NOL10: variants seen among roughly 807,000 people sequenced by gnomAD.
NOL10 encodes the protein H_NH0074G24.1.
Under a neutral mutation model 103.5 loss-of-function variants are expected in NOL10, and 58 were observed. That is an observed-to-expected ratio of 0.56 (90% CI 0.45 to 0.70). NOL10 has a LOEUF of 0.70. NOL10 is among the 30% of genes least tolerant of loss of function. NOL10 has a pLI of 0.00. For synonymous variants in NOL10, 287 were observed against 282.5 expected, an observed-to-expected ratio of 1.02 and a Z score of -0.16; for missense variants, 763 against 807.3, an observed-to-expected ratio of 0.95 and a Z score of 0.67.
chr2:10,663,310 T>A (rs2148327489), intron 8 of NOL10, among the ~76,000 whole-genome samples: 2 of 147,928 alleles, frequency 1.4e-5, no homozygotes, highest in East Asian at 4.0e-4. Flanking sequence ...GAGGTTGCAG[T>A]GAGCCGAGAT....
chr2:10,656,956 TA>T, intron 11 of NOL10, among the ~76,000 whole-genome samples: 1 of 152,134 alleles, frequency 6.6e-6, no homozygotes, highest in Non-Finnish European at 1.5e-5. Flanking sequence ...ACCAGCAATA[TA>T]GGATTTTGTT....
intron 13 of NOL10, among the ~76,000 whole-genome samples, chr2:10,641,014 T>C (rs1270418753): frequency 6.6e-6 from 1 of 150,652 alleles, no homozygotes; most frequent in Admixed American, 6.6e-5. Context: ...TGAAACCCCA[T>C]CTCTACTAAA....
chr2:10,587,346 C>T (rs1215817650), intron 19 of NOL10, among the ~76,000 whole-genome samples: 3 of 143,416 alleles, frequency 2.1e-5, no homozygotes, highest in South Asian at 2.2e-4. Context: ...TCTCAGCTCA[C>T]TGCAACCTCT....
rs70953314 is a variant in NOL10, at chr2:10,587,275, ATTT to A, written c.1844+1765_1844+1767del. Among the ~76,000 whole-genome samples, 3 of 22,582 alleles carry A rather than the reference ATTT, an allele frequency of 1.3e-4. 1 individual carries two copies. Among genetic ancestry groups the A allele is most frequent in the Non-Finnish European group, 7.9e-5 (1 of 12,658 alleles). The allele number at this position is 22,582 out of a possible 152,430, so 14.8% of individuals were successfully genotyped here. On this transcript the variant is annotated intron_variant, in intron 19 of 20. Transcript: ENST00000381685. ...TATATATACACATATATATATATAT[ATTT>A]TTTTTTTTTTTGAGATGGAGTCTAG...
chr2:10,587,550 C>T (rs375658660), intron 19 of NOL10, among the ~76,000 whole-genome samples: 3 of 151,632 alleles, frequency 2.0e-5, no homozygotes, highest in African/African-American at 7.3e-5. Flanking sequence ...GGATTACAGG[C>T]GTGAGCCACC....
chr2:10,600,726 TACTA>T (rs1270189550), intron 17 of NOL10, 123 bp downstream of exon 17: 16 of 656,350 alleles, frequency 2.4e-5, no homozygotes, highest in Admixed American at 5.9e-5. Context: ...CTTAAGCATA[TACTA>T]ATCTTATACG....
chr2:10,660,874 G>C (rs1224749485), intron 9 of NOL10, among the ~76,000 whole-genome samples: 1 of 150,132 alleles, frequency 6.7e-6, no homozygotes, highest in African/African-American at 2.5e-5. Context: ...TCTCGTATTG[G>C]TTCCACTAGA....
At chr2:10,612,106 G>C (rs906499324) in intron 13 of NOL10, among the ~76,000 whole-genome samples, 2 of 152,064 alleles carry the variant, frequency 1.3e-5, no homozygotes, top group African/African-American at 4.8e-5. Flanking sequence ...CTGGGCAACA[G>C]AGTGAGACCC....
intron 13 of NOL10, among the ~76,000 whole-genome samples, chr2:10,609,848 T>C (rs1431701526): frequency 6.6e-6 from 1 of 152,220 alleles, no homozygotes; most frequent in African/African-American, 2.4e-5. Context: ...ATCCAAGATA[T>C]TGTCCTCTGA....
chr2:10,579,728 C>T (rs531486248), intron 19 of NOL10, among the ~76,000 whole-genome samples: 2 of 152,040 alleles, frequency 1.3e-5, no homozygotes, highest in Non-Finnish European at 1.5e-5. Context: ...GCTGCTGTGC[C>T]TATGGAGTAG....
chr2:10,598,885 T>C (rs1572263248), intron 17 of NOL10, among the ~76,000 whole-genome samples: 1 of 152,360 alleles, frequency 6.6e-6, no homozygotes, highest in East Asian at 1.9e-4. Context: ...AGTTTTCCAA[T>C]TTATAATGGA....
At chr2:10,610,729 G>A (rs979721450) in intron 13 of NOL10, among the ~76,000 whole-genome samples, 1 of 152,168 alleles carries the variant, frequency 6.6e-6, no homozygotes. Context: ...CAGCGTCAAT[G>A]TGTAAAATGT....
chr2:10,659,071 G>T, intron 10 of NOL10, 101 bp downstream of exon 10: 2 of 810,138 alleles, frequency 2.5e-6, no homozygotes, highest in Non-Finnish European at 4.2e-6. Context: ...GGCTAAAATA[G>T]TATGATCTCA....
At chr2:10,596,047 C>T (rs1675672483) in intron 17 of NOL10, among the ~76,000 whole-genome samples, 1 of 151,418 alleles carries the variant, frequency 6.6e-6, no homozygotes, top group Non-Finnish European at 1.5e-5. Context: ...CTGATCCAAC[C>T]CAAAGTATCT....
intron 3 of NOL10, among the ~76,000 whole-genome samples, chr2:10,677,192 G>A (rs929189796): frequency 1.9e-4 from 29 of 152,084 alleles, no homozygotes; most frequent in Non-Finnish European, 4.3e-4. Flanking sequence ...GCCTGTCTCC[G>A]CCTGCCTAAG....
Position 10,689,968 on chromosome 2 carries a change from C to A in NOL10, c.-107G>T. 8.8e-6 allele frequency: 9 copies of A among 1,020,438 alleles called. No homozygotes were observed. The highest frequency in any genetic ancestry group is 1.3e-5 in the Non-Finnish European group (9 of 687,554). The allele number at this position is 1,020,438 out of a possible 1,614,324, so 63.2% of individuals were successfully genotyped here. A position where few individuals can be genotyped will look rare whatever the true frequency, so the allele number is the denominator to read the frequency against. ...CTGCTCCGCGGCGTGCGGCCGCTGG[C>A]GCCGACTGATGACGCACTTCCTGGA... On this transcript the variant is annotated 5_prime_UTR_variant, in exon 1 of 21. Coordinates refer to ENST00000381685, the MANE Select transcript of NOL10 (RefSeq NM_024894.4).
In NOL10 at chr2:10,578,924, A is replaced by G. The variant is rs1455593001; in HGVS notation, c.1845-1186T>C. ...CTGTCTCCTGTCCTCCCTGCCCCAG[A>G]TCAAATTCAATGCAGCCCTTTAAAG... On this transcript the variant is annotated intron_variant, in intron 19 of 20. Transcript: ENST00000381685. Among the ~76,000 whole-genome samples, 4 of 152,212 alleles carry G rather than the reference A, an allele frequency of 2.6e-5. No homozygotes were observed. In the East Asian group the frequency reaches 7.7e-4, roughly 29 times the overall value.
At chr2:10,572,449 G>C (rs1459851551) in intron 20 of NOL10, among the ~76,000 whole-genome samples, 1 of 152,076 alleles carries the variant, frequency 6.6e-6, no homozygotes, top group Non-Finnish European at 1.5e-5. Flanking sequence ...GGCAAGAGAA[G>C]GGCCCTGACA....
chr2:10,620,746 G>T (rs1280771313), intron 13 of NOL10, among the ~76,000 whole-genome samples: 4 of 152,086 alleles, frequency 2.6e-5, no homozygotes, highest in Non-Finnish European at 2.9e-5. Context: ...TGTATATGTG[G>T]GTGTGCATGA....
Sources: allele counts gnomAD v4.1 joint callset (sites outside exome capture counted in the v4.1 genomes callset), GRCh38; gene constraint gnomAD v4.1.1; transcripts MANE v1.5; gene names NCBI Gene and HGNC (gene_info 2026-07-23, HGNC 2026-07-21).